The following RCAN2 variants were observed in gnomAD, a reference collection of about 807,000 sequenced individuals.
RCAN2 encodes the protein regulator of calcineurin 2.
A neutral mutation model predicts 23.6 loss-of-function variants in RCAN2; 9 were observed. That is an observed-to-expected ratio of 0.38 (90% CI 0.23 to 0.67). The LOEUF (loss-of-function observed/expected upper bound fraction) is 0.67. Among genes scored for constraint, RCAN2 ranks in the 30% least tolerant of loss-of-function variants. RCAN2 has a pLI of 0.51. For synonymous variants in RCAN2, 109 were observed against 115.7 expected (o/e 0.94, Z 0.37); for missense variants, 273 against 302.3 (o/e 0.90, Z 0.72).
chr6:46,246,716 C>G (rs558168182), intron 4 of RCAN2, 32 bp downstream of exon 4: 1 of 1,601,178 alleles, frequency 6.2e-7, no homozygotes, highest in Non-Finnish European at 8.5e-7. Context: ...TGCTGACAAA[C>G]GTTTATTTTT....
chr6:46,233,721 C>CTTTTTTT (rs1240948992), intron 4 of RCAN2, among the ~76,000 whole-genome samples: 2 of 130,768 alleles, frequency 1.5e-5, no homozygotes, highest in Admixed American at 7.8e-5. Flanking sequence ...AAGAACACTT[C>CTTTTTTT]TTTTTTTTTT....
chr6:46,250,830 T>C (rs1343299520), intron 2 of RCAN2, among the ~76,000 whole-genome samples: 1 of 151,906 alleles, frequency 6.6e-6, no homozygotes, highest in Non-Finnish European at 1.5e-5. Flanking sequence ...ACAGGAGGAG[T>C]AACTCGAATG....
intron 4 of RCAN2, among the ~76,000 whole-genome samples, chr6:46,239,524 C>G (rs764301101): frequency 6.6e-6 from 1 of 152,156 alleles, no homozygotes. Context: ...GGCATCAGGG[C>G]TGTAAACTGA....
At chr6:46,329,330 T>C (rs1237008165) in intron 2 of RCAN2, among the ~76,000 whole-genome samples, 1 of 152,160 alleles carries the variant, frequency 6.6e-6, no homozygotes, top group Non-Finnish European at 1.5e-5. Flanking sequence ...TATCCTGGCA[T>C]CTTCATTTTA....
At chr6:46,323,233 C>T (rs1763675137) in intron 2 of RCAN2, among the ~76,000 whole-genome samples, 1 of 152,078 alleles carries the variant, frequency 6.6e-6, no homozygotes, top group South Asian at 2.1e-4. Context: ...ATGGTGATAG[C>T]TAACATTTAT....
At chr6:46,337,846 C>T (rs1459139861) in intron 2 of RCAN2, among the ~76,000 whole-genome samples, 1 of 152,156 alleles carries the variant, frequency 6.6e-6, no homozygotes, top group Non-Finnish European at 1.5e-5. Flanking sequence ...AACAGGGACA[C>T]TTGGGTCACC....
intron 2 of RCAN2, among the ~76,000 whole-genome samples, chr6:46,307,329 G>A (rs1416770717): frequency 6.6e-6 from 1 of 152,126 alleles, no homozygotes; most frequent in Non-Finnish European, 1.5e-5. Context: ...AAACACAGAT[G>A]AGGGGTGTAT....
In RCAN2 at chr6:46,484,144, C is replaced by A. The variant is rs188182022; in HGVS notation, c.-3+7029G>T. ...AAATTAATCTAGCCTGACTTTCAGACAAATTTATGGGGGAAAATAATTCAA... is the reference window on the plus strand; with the variant it reads ...AAATTAATCTAGCCTGACTTTCAGAAAAATTTATGGGGGAAAATAATTCAA... On this transcript the variant is annotated intron_variant, in intron 1 of 4. Coordinates refer to ENST00000371374, the MANE Select transcript of RCAN2 (RefSeq NM_001251974.2). Among the ~76,000 whole-genome samples the A allele has an allele frequency of 2.0e-3, 301 of 152,222 alleles. 1 individual carries two copies. The highest frequency in any genetic ancestry group is 6.8e-3 in the African/African-American group (284 of 41,530).
intron 2 of RCAN2, among the ~76,000 whole-genome samples, chr6:46,313,001 C>G (rs951697779): frequency 3.9e-5 from 6 of 152,204 alleles, no homozygotes; most frequent in African/African-American, 1.4e-4. Context: ...GACCCAAACT[C>G]CTTCATAATG....
At chr6:46,413,793 G>T (rs1766619686) in intron 2 of RCAN2, among the ~76,000 whole-genome samples, 1 of 152,090 alleles carries the variant, frequency 6.6e-6, no homozygotes, top group Non-Finnish European at 1.5e-5. Flanking sequence ...TACTGAACTG[G>T]GGAAACCGAC....
chr6:46,231,112 C>T (rs1013879839), intron 4 of RCAN2, among the ~76,000 whole-genome samples: 13 of 152,158 alleles, frequency 8.5e-5, no homozygotes, highest in African/African-American at 2.9e-4. Flanking sequence ...GACCTAAGGT[C>T]TTTGCAGATG....
chr6:46,402,363 G>A (rs559146860), intron 2 of RCAN2, among the ~76,000 whole-genome samples: 2 of 152,246 alleles, frequency 1.3e-5, no homozygotes, highest in South Asian at 2.1e-4. Flanking sequence ...AGCCTCAGGA[G>A]CCTCCTCTAC....
intron 2 of RCAN2, chr6:46,325,572 T>A: frequency 6.4e-7 from 1 of 1,554,946 alleles, no homozygotes; most frequent in South Asian, 1.2e-5. Flanking sequence ...TGGCCAGGCC[T>A]CGGTGCTGCC....
chr6:46,320,030 T>G (rs1763559972), intron 2 of RCAN2, among the ~76,000 whole-genome samples: 1 of 152,226 alleles, frequency 6.6e-6, no homozygotes, highest in South Asian at 2.1e-4. Context: ...TACTGAACGT[T>G]AATTACCATG....
At chr6:46,327,208 G>T (rs918957420) in intron 2 of RCAN2, among the ~76,000 whole-genome samples, 1 of 152,180 alleles carries the variant, frequency 6.6e-6, no homozygotes, top group Non-Finnish European at 1.5e-5. Flanking sequence ...TGGCTGAATA[G>T]GTATAGGAAG....
At chr6:46,277,626 TA>T (rs1767759267) in intron 2 of RCAN2, among the ~76,000 whole-genome samples, 1 of 152,150 alleles carries the variant, frequency 6.6e-6, no homozygotes, top group African/African-American at 2.4e-5. Flanking sequence ...TAATTTTACT[TA>T]ATTTTTTTTG....
At chr6:46,411,141 G>A (rs1000884313) in intron 2 of RCAN2, among the ~76,000 whole-genome samples, 1 of 152,230 alleles carries the variant, frequency 6.6e-6, no homozygotes, top group Non-Finnish European at 1.5e-5. Flanking sequence ...GGGATGAATG[G>A]ATAAGCAAAA....
chr6:46,440,836 TTA>T (rs1767519818), intron 2 of RCAN2, among the ~76,000 whole-genome samples: 2 of 152,144 alleles, frequency 1.3e-5, no homozygotes, highest in African/African-American at 2.4e-5. Context: ...CACGTGAACC[TTA>T]TATGGGAAAC....
chr6:46,277,151 C>A (rs1767741716), intron 2 of RCAN2, among the ~76,000 whole-genome samples: 1 of 152,182 alleles, frequency 6.6e-6, no homozygotes, highest in African/African-American at 2.4e-5. Context: ...ATTGTCTGTT[C>A]TCAAGTCTTT....
Sources: allele counts gnomAD v4.1 joint callset (sites outside exome capture counted in the v4.1 genomes callset), GRCh38; gene constraint gnomAD v4.1.1; transcripts MANE v1.5; gene names NCBI Gene and HGNC (gene_info 2026-07-23, HGNC 2026-07-21).